The following PRKX variants were observed in gnomAD, a reference collection of about 807,000 sequenced individuals.
The protein encoded by PRKX is protein kinase cAMP-dependent X-linked catalytic subunit, also known as cAMP-dependent protein kinase catalytic subunit PRKX.
A neutral mutation model predicts 22.0 loss-of-function variants in PRKX; 12 were observed. The ratio of observed to expected loss-of-function variants is 0.54; its 90% CI spans 0.35 to 0.88. The LOEUF is 0.88. Ranked by LOEUF, PRKX falls within the 40% of genes least tolerant of loss-of-function variation. The pLI is 0.01. For synonymous variants in PRKX, 134 were observed against 137.7 expected (o/e 0.97, Z 0.19); for missense variants, 217 against 308.0 (o/e 0.70, Z 2.21).
chrX:3,648,634 G>GTGTGTGTT (rs1346341058), intron 3 of PRKX, among the ~76,000 whole-genome samples: 8 of 104,927 alleles, frequency 7.6e-5, no homozygotes, highest in Non-Finnish European at 1.4e-4. Flanking sequence ...GTGTGTGTGT[G>GTGTGTGTT]TGTGTGTGTG....
chrX:3,620,292 A>G (rs1926527472), intron 6 of PRKX, among the ~76,000 whole-genome samples: 1 of 112,508 alleles, frequency 8.9e-6, no homozygotes, highest in African/African-American at 3.2e-5. Context: ...TACAGCCTGG[A>G]TGAACCTTGA....
intron 1 of PRKX, among the ~76,000 whole-genome samples, chrX:3,701,693 G>C (rs1405066043): frequency 6.3e-5 from 7 of 111,659 alleles, no homozygotes; most frequent in Non-Finnish European, 1.3e-4. Context: ...CACGGGATGA[G>C]ATAGGAGGTC....
At chrX:3,664,589 T>C (rs1253282445) in intron 2 of PRKX, among the ~76,000 whole-genome samples, 7 of 112,125 alleles carry the variant, frequency 6.2e-5, no homozygotes, top group Admixed American at 3.8e-4. Context: ...ATAAAGAAAA[T>C]TTAGTATATA....
chrX:3,612,281 G>A lies in PRKX; in HGVS notation c.996C>T (p.Asn332=), dbSNP rs765742917. 1 of 1,211,012 alleles carries A rather than the reference G, an allele frequency of 8.3e-7. No homozygotes were observed. Among genetic ancestry groups the A allele is most frequent in the Admixed American group, 2.2e-5 (1 of 45,895 alleles). The change falls in exon 8 of 9, where the codon AAC becomes AAT. Residue 332 remains asparagine (N), a synonymous_variant. Coordinates refer to ENST00000262848, the MANE Select transcript of PRKX (RefSeq NM_005044.5). ...AGTCATTCTCAGGGTAAGTTTCGAA[G>A]TTGGAAGTGTCGCCGTCACCAGCTA... is the stretch of plus-strand genomic sequence containing the variant. ...PKIAGDGDTS[N]FETYPENDWD...
intron 1 of PRKX, among the ~76,000 whole-genome samples, chrX:3,711,955 C>T (rs1474871369): frequency 9.0e-6 from 1 of 111,687 alleles, no homozygotes; most frequent in Non-Finnish European, 1.9e-5. Context: ...CCACTCTGTC[C>T]TTCCAAATTC....
rs769816101 is a variant in PRKX, at chrX:3,630,763, G to A, written c.720-4249C>T. Among the ~76,000 whole-genome samples the A allele has an allele frequency of 2.8e-4, 31 of 111,151 alleles. No homozygotes were observed. In the Middle Eastern group the frequency reaches 0.014, roughly 50 times the overall value. On this transcript the variant is annotated intron_variant, in intron 4 of 8. Transcript: ENST00000262848. Reference sequence around the variant, plus strand: ...CTCCTGAGAACTCTATCATGAGACTGTACTAGGGCAATGTTGCTAAACTGT... The same window carrying A: ...CTCCTGAGAACTCTATCATGAGACTATACTAGGGCAATGTTGCTAAACTGT...
At chrX:3,642,433 C>A (rs1216748164) in intron 3 of PRKX, among the ~76,000 whole-genome samples, 1 of 109,982 alleles carries the variant, frequency 9.1e-6, no homozygotes, top group African/African-American at 3.3e-5. Context: ...TGGGGACACA[C>A]AGACACAGAG....
intron 3 of PRKX, among the ~76,000 whole-genome samples, chrX:3,651,267 T>C (rs1446560271): frequency 8.9e-6 from 1 of 112,507 alleles, no homozygotes; most frequent in African/African-American, 3.2e-5. Flanking sequence ...AATTGCTGCA[T>C]GTTATATACG....
At chrX:3,635,647 G>A (rs1327807318) in intron 4 of PRKX, among the ~76,000 whole-genome samples, 2 of 111,171 alleles carry the variant, frequency 1.8e-5, no homozygotes, top group East Asian at 5.7e-4. Context: ...ATGTGCACTG[G>A]TGCAATCTCA....
At chrX:3,637,322 C>A in intron 4 of PRKX, among the ~76,000 whole-genome samples, 1 of 111,492 alleles carries the variant, frequency 9.0e-6, no homozygotes, top group South Asian at 3.8e-4. Context: ...GCCTCCGATT[C>A]TGCTCCAGTC....
At chrX:3,648,651 T>TGC (rs1265514250) in intron 3 of PRKX, among the ~76,000 whole-genome samples, 1 of 99,856 alleles carries the variant, frequency 1.0e-5, no homozygotes, top group Admixed American at 1.1e-4. Context: ...TGTGTGTGTG[T>TGC]GTGTGTGAAA....
chrX:3,690,115 T>C (rs913635285), intron 1 of PRKX, among the ~76,000 whole-genome samples: 1 of 112,553 alleles, frequency 8.9e-6, no homozygotes, highest in Non-Finnish European at 1.9e-5. Context: ...TAGAAAAGAA[T>C]GTATGCTTTG....
At chrX:3,625,340 C>A (rs1269112595) in intron 5 of PRKX, among the ~76,000 whole-genome samples, 1 of 110,934 alleles carries the variant, frequency 9.0e-6, no homozygotes, top group East Asian at 2.8e-4. Context: ...TGCTCCATCG[C>A]CCTGAAATAA....
chrX:3,669,086 T>C lies in PRKX; in HGVS notation c.335+5512A>G, dbSNP rs763240196. Among the ~76,000 whole-genome samples the C allele has an allele frequency of 4.6e-4, 52 of 111,994 alleles. 1 individual carries two copies. The highest frequency in any genetic ancestry group is 1.5e-3 in the African/African-American group (46 of 30,829). ...GCCCCAAATGTCAGCAGTGCTGAGG[T>C]TGAGAAACTCTACTAATACGTTCCA... On this transcript the variant is annotated intron_variant, in intron 2 of 8. Transcript: ENST00000262848.
chrX:3,661,604 A>AT (rs1048787267), intron 2 of PRKX, among the ~76,000 whole-genome samples: 3 of 110,793 alleles, frequency 2.7e-5, no homozygotes, highest in Non-Finnish European at 5.7e-5. Flanking sequence ...TGGAAAAAAA[A>AT]AAAAAGACTT....
At chrX:3,682,244 T>C (rs1337149177) in intron 1 of PRKX, among the ~76,000 whole-genome samples, 1 of 110,965 alleles carries the variant, frequency 9.0e-6, no homozygotes, top group African/African-American at 3.3e-5. Context: ...GTTCTTCCTC[T>C]GTGCTGCAAG....
chrX:3,640,316 C>T (rs1428818400), intron 4 of PRKX, among the ~76,000 whole-genome samples: 38 of 111,096 alleles, frequency 3.4e-4, no homozygotes, highest in Non-Finnish European at 6.2e-4. Flanking sequence ...GAGAGAAGAG[C>T]CTTTCGTGCA....
At position 3,713,418 on chromosome X, in the gene PRKX, G is replaced by A; in HGVS notation, c.-165C>T. 2 of 367,360 alleles carry A rather than the reference G, an allele frequency of 5.4e-6. No individual in the cohort carries two copies. The highest frequency in any genetic ancestry group is 8.4e-6 in the Non-Finnish European group (2 of 238,891). 30.3% of individuals were successfully genotyped at this position (367,360 alleles called of 1,213,427 possible). On this transcript the variant is annotated 5_prime_UTR_variant, in exon 1 of 9. Transcript: ENST00000262848. ...GGTCCGGCGCGGCTGACGGAGCGAC[G>A]GGGACAATGGCTGGGCGGCGCTCAC...
intron 3 of PRKX, among the ~76,000 whole-genome samples, chrX:3,649,278 T>C (rs1270850672): frequency 1.8e-5 from 2 of 110,365 alleles, no homozygotes; most frequent in African/African-American, 6.6e-5. Context: ...GGGATGCTTG[T>C]GTTATGCATT....
Sources: allele counts gnomAD v4.1 joint callset (sites outside exome capture counted in the v4.1 genomes callset), GRCh38; gene constraint gnomAD v4.1.1; transcripts MANE v1.5; gene names NCBI Gene and HGNC (gene_info 2026-07-23, HGNC 2026-07-21).